Variants in VPS41 observed in about 807,000 individuals in gnomAD.
VPS41 encodes VPS41 subunit of HOPS complex, also known as vacuolar protein sorting-associated protein 41 homolog.
Under a neutral mutation model 130.9 loss-of-function variants are expected in VPS41, and 85 were observed. That is an observed-to-expected ratio of 0.65 (90% confidence interval 0.55 to 0.78). VPS41 has a LOEUF of 0.78. Ranked by LOEUF, VPS41 falls within the 30% of genes least tolerant of loss-of-function variation. VPS41 has a pLI of 0.00. For synonymous variants in VPS41, 335 were observed against 332.9 expected (o/e 1.01, Z -0.07); for missense variants, 874 against 1,018.7 (o/e 0.86, Z 1.93).
rs1449969199 is a variant in VPS41 at position 38,723,182 on chromosome 7, G to C, written c.*3064C>G. The C allele has an allele frequency of 6.6e-6, 1 of 152,162 alleles. No homozygotes were observed. The highest frequency in any genetic ancestry group is 1.5e-5 in the Non-Finnish European group (1 of 68,068). The allele number at this position is 152,162 out of a possible 1,614,324, so 9.4% of individuals were successfully genotyped here. On this transcript the variant is annotated 3_prime_UTR_variant, in exon 29 of 29. Coordinates refer to ENST00000310301, the MANE Select transcript of VPS41 (RefSeq NM_014396.4). ...GAGGGCCTGGTCTTGCCGTCTCAAG[G>C]GTGGCAGAGGCAGAAGAAAATCCAT...
intron 1 of VPS41, among the ~76,000 whole-genome samples, chr7:38,902,175 T>C (rs1386726379): frequency 1.3e-5 from 2 of 152,190 alleles, no homozygotes; most frequent in Non-Finnish European, 2.9e-5. Context: ...CCATCAGGAT[T>C]ATCTTCCCAA....
chr7:38,730,084 A>G (rs1795632456), intron 25 of VPS41, among the ~76,000 whole-genome samples: 1 of 152,154 alleles, frequency 6.6e-6, no homozygotes, highest in Non-Finnish European at 1.5e-5. Context: ...GTCACATCAT[A>G]GAAGTTCACA....
intron 2 of VPS41, among the ~76,000 whole-genome samples, chr7:38,881,220 C>T (rs1786597895): frequency 6.6e-6 from 1 of 152,250 alleles, no homozygotes; most frequent in African/African-American, 2.4e-5. Flanking sequence ...GGGGAGAATC[C>T]CTTTCCTCTC....
intron 2 of VPS41, among the ~76,000 whole-genome samples, chr7:38,881,508 T>G (rs1786607667): frequency 1.3e-5 from 2 of 152,204 alleles, no homozygotes; most frequent in African/African-American, 4.8e-5. Flanking sequence ...GGAACCATTA[T>G]TCTGCCTGTT....
Position 38,767,534 on chromosome 7 carries a change from T to C in VPS41, c.1247+3A>G, listed in dbSNP as rs1037674393. 6.3e-7 allele frequency: 1 copy of C among 1,595,226 alleles called. No homozygotes were observed. The highest frequency in any genetic ancestry group is 8.6e-7 in the Non-Finnish European group (1 of 1,166,904). On this transcript the variant is annotated splice_donor_region_variant and intron_variant, in intron 15 of 28. Coordinates refer to ENST00000310301, the MANE Select transcript of VPS41 (RefSeq NM_014396.4). The stretch of plus-strand genomic sequence containing the variant: ...CAAATAATTGTGAAAATGTCATCAT[T>C]ACCGTGCTGCTATGTCATAGTCTCC...
At chr7:38,886,706 G>C (rs960796913) in intron 2 of VPS41, among the ~76,000 whole-genome samples, 5 of 152,236 alleles carry the variant, frequency 3.3e-5, no homozygotes, top group African/African-American at 1.2e-4. Context: ...ATAACGGACA[G>C]ACTGCCTCCT....
intron 2 of VPS41, among the ~76,000 whole-genome samples, chr7:38,881,137 AT>A (rs1786595447): frequency 6.6e-6 from 1 of 152,344 alleles, no homozygotes; most frequent in African/African-American, 2.4e-5. Flanking sequence ...AGTGCTGTAG[AT>A]TAGAAGTCTG....
chr7:38,902,697 T>C (rs868866235), intron 1 of VPS41, among the ~76,000 whole-genome samples: 4 of 152,066 alleles, frequency 2.6e-5, no homozygotes, highest in African/African-American at 2.4e-5. Flanking sequence ...CTCATGTCAC[T>C]CCCTCCATTT....
chr7:38,785,393 G>T (rs904835626), intron 10 of VPS41, among the ~76,000 whole-genome samples: 2 of 152,184 alleles, frequency 1.3e-5, no homozygotes, highest in Non-Finnish European at 2.9e-5. Context: ...ATTCAAATCA[G>T]ACAGGAGCCG....
intron 2 of VPS41, among the ~76,000 whole-genome samples, chr7:38,885,501 T>C (rs1355880078): frequency 6.6e-6 from 1 of 152,150 alleles, no homozygotes; most frequent in African/African-American, 2.4e-5. Flanking sequence ...CACTACTAAT[T>C]CTACTCAGAA....
chr7:38,812,501 AC>A (rs1562595306), intron 7 of VPS41, among the ~76,000 whole-genome samples: 1 of 152,164 alleles, frequency 6.6e-6, no homozygotes, highest in African/African-American at 2.4e-5. Context: ...TCTCTTAGAT[AC>A]AACACCAATA....
At chr7:38,869,073 C>G (rs1418106845) in intron 3 of VPS41, 73 bp downstream of exon 3, 2 of 1,171,644 alleles carry the variant, frequency 1.7e-6, no homozygotes, top group Non-Finnish European at 2.4e-6. Flanking sequence ...CCAAAAACAT[C>G]AGGACTCCAA....
At chr7:38,785,579 G>T (rs1415006977) in intron 10 of VPS41, among the ~76,000 whole-genome samples, 1 of 152,224 alleles carries the variant, frequency 6.6e-6, no homozygotes, top group Non-Finnish European at 1.5e-5. Flanking sequence ...GGAATATTTA[G>T]TGAGTATGTT....
chr7:38,837,468 T>A (rs773495572), intron 4 of VPS41, among the ~76,000 whole-genome samples: 3 of 152,208 alleles, frequency 2.0e-5, no homozygotes, highest in Non-Finnish European at 4.4e-5. Context: ...AAGCTTTACA[T>A]TTGAAACCAT....
chr7:38,749,130 C>T lies in VPS41; in HGVS notation c.1926+3046G>A, dbSNP rs116479954. 1.0e-3 allele frequency among the ~76,000 whole-genome samples: 158 copies of T among 152,248 alleles called. 1 individual carries two copies. Among genetic ancestry groups the T allele is most frequent in the African/African-American group, 3.6e-3 (151 of 41,546 alleles). On this transcript the variant is annotated intron_variant, in intron 22 of 28. Transcript: ENST00000310301. ...ATGATTAATTTTTGAATTTCAGAGTCGTGGTGATTTTAAATCCTGAACTCT... is the reference window on the plus strand; with the variant it reads ...ATGATTAATTTTTGAATTTCAGAGTTGTGGTGATTTTAAATCCTGAACTCT...
At chr7:38,777,664 T>C (rs1003824006) in intron 10 of VPS41, among the ~76,000 whole-genome samples, 4 of 152,340 alleles carry the variant, frequency 2.6e-5, no homozygotes, top group South Asian at 2.1e-4. Context: ...TAAACTCTTG[T>C]TCTGACCCAC....
chr7:38,740,732 C>T (rs1451829806), intron 25 of VPS41, among the ~76,000 whole-genome samples: 1 of 152,118 alleles, frequency 6.6e-6, no homozygotes, highest in African/African-American at 2.4e-5. Context: ...TAGACTTCTT[C>T]ACTTTTAAAG....
At chr7:38,833,143 A>G (rs147785094) in intron 4 of VPS41, among the ~76,000 whole-genome samples, 1 of 152,210 alleles carries the variant, frequency 6.6e-6, no homozygotes, top group East Asian at 1.9e-4. Flanking sequence ...ACCTCTTCTG[A>G]TGAAATTTAT....
At chr7:38,785,301 C>T (rs1161172950) in intron 10 of VPS41, among the ~76,000 whole-genome samples, 2 of 152,186 alleles carry the variant, frequency 1.3e-5, no homozygotes, top group Admixed American at 6.5e-5. Context: ...CTTCACAATG[C>T]TTTACATCAG....
Sources: gnomAD v4.1 joint callset for allele counts (sites outside exome capture counted in the v4.1 genomes callset) on GRCh38, gnomAD v4.1.1 for gene constraint, MANE v1.5 for transcripts, NCBI Gene and HGNC (gene_info 2026-07-23, HGNC 2026-07-21) for gene names.